Variants in CNTNAP2 observed in about 807,000 individuals in gnomAD.
CNTNAP2 encodes contactin-associated protein-like 2.
Under a neutral mutation model 155.2 loss-of-function variants are expected in CNTNAP2, and 98 were observed. The observed-to-expected ratio is 0.63, with a 90% CI of 0.54 to 0.75. The LOEUF (loss-of-function observed/expected upper bound fraction) is 0.75, where lower values mean the gene tolerates loss of function less well. Among genes scored for constraint, CNTNAP2 ranks in the 30% least tolerant of loss-of-function variants. The pLI is 0.00. For missense variants in CNTNAP2, 1,727 were observed against 1,688.1 expected, an observed-to-expected ratio of 1.02 and a Z score of -0.40; for synonymous variants, 651 against 631.2, an observed-to-expected ratio of 1.03 and a Z score of -0.47.
intron 21 of CNTNAP2, among the ~76,000 whole-genome samples, chr7:148,341,330 C>A (rs1798228022): frequency 1.3e-5 from 2 of 151,410 alleles, no homozygotes; most frequent in Non-Finnish European, 1.5e-5. Context: ...TAGTTCTAAT[C>A]CGTAATAGTG....
chr7:147,898,513 T>C (rs1344013266), intron 13 of CNTNAP2, among the ~76,000 whole-genome samples: 3 of 149,698 alleles, frequency 2.0e-5, no homozygotes, highest in South Asian at 2.1e-4. Context: ...TTTTAACCCA[T>C]ATACCCAGAT....
chr7:148,209,614 C>T (rs546521668), intron 18 of CNTNAP2, among the ~76,000 whole-genome samples: 1 of 152,334 alleles, frequency 6.6e-6, no homozygotes, highest in African/African-American at 2.4e-5. Context: ...CTACTCCAAA[C>T]CATCATTATA....
chr7:146,172,231 G>A (rs189708630), intron 1 of CNTNAP2, among the ~76,000 whole-genome samples: 133 of 152,026 alleles, frequency 8.7e-4, no homozygotes, highest in African/African-American at 3.1e-3. Flanking sequence ...GGGATAGGAT[G>A]CCTCCCAGGA....
chr7:147,679,808 G>A (rs938022570), intron 13 of CNTNAP2, among the ~76,000 whole-genome samples: 5 of 151,742 alleles, frequency 3.3e-5, no homozygotes, highest in South Asian at 2.1e-4. Context: ...CTAGTATCAC[G>A]TCAGGATCAT....
chr7:147,414,412 A>C (rs2116494283), intron 10 of CNTNAP2, among the ~76,000 whole-genome samples: 1 of 144,810 alleles, frequency 6.9e-6, no homozygotes, highest in African/African-American at 2.6e-5. Flanking sequence ...CAACAGAGCA[A>C]GAGTCTGTCT....
At chr7:146,898,580 T>C (rs935740631) in intron 3 of CNTNAP2, among the ~76,000 whole-genome samples, 1 of 152,062 alleles carries the variant, frequency 6.6e-6, no homozygotes, top group African/African-American at 2.4e-5. Flanking sequence ...AATAATCTAA[T>C]TGAGTGTATA....
At chr7:146,523,933 C>T (rs1025055225) in intron 1 of CNTNAP2, among the ~76,000 whole-genome samples, 1 of 151,992 alleles carries the variant, frequency 6.6e-6, no homozygotes, top group Non-Finnish European at 1.5e-5. Context: ...TTTCCTTGTT[C>T]CTGTGCCTTT....
intron 9 of CNTNAP2, among the ~76,000 whole-genome samples, chr7:147,341,886 A>G (rs550517055): frequency 6.6e-6 from 1 of 152,296 alleles, no homozygotes; most frequent in Admixed American, 6.5e-5. Context: ...TTAAGTATAT[A>G]CATTAAGAAC....
rs80092828 is a variant in CNTNAP2 at position 147,589,671 on chromosome 7, T to A, written c.1897+27414T>A. Among the ~76,000 whole-genome samples the A allele has an allele frequency of 2.0e-3, 299 of 152,320 alleles. 10 individuals carry two copies. In the East Asian group the frequency reaches 0.048, roughly 24 times the overall value. On this transcript the variant is annotated intron_variant, in intron 12 of 23. Transcript: ENST00000361727. ...ATTGTTGTATATGCCTGTATCATAG[T>A]GTATTTTTCACTCTCCCATTAATAA... is the stretch of plus-strand genomic sequence containing the variant.
At chr7:146,640,260 G>A (rs1244410176) in intron 1 of CNTNAP2, among the ~76,000 whole-genome samples, 1 of 152,078 alleles carries the variant, frequency 6.6e-6, no homozygotes, top group African/African-American at 2.4e-5. Flanking sequence ...GAATTATACT[G>A]AACGCTGATG....
Position 146,481,658 on chromosome 7 carries a change from C to T in CNTNAP2, c.98-292613C>T, listed in dbSNP as rs186398454. Among the ~76,000 whole-genome samples the T allele has an allele frequency of 1.0e-3, 155 of 152,278 alleles. 1 individual carries two copies. The Middle Eastern group carries it at 0.01, about 10-fold the overall frequency. On this transcript the variant is annotated intron_variant, in intron 1 of 23. Coordinates refer to ENST00000361727, the MANE Select transcript of CNTNAP2 (RefSeq NM_014141.6). ...GTAGAAATATATACGGAATGATTTT[C>T]ACTGTCGCTCGGAGTAGCAGATTTA...
At chr7:146,234,298 C>G (rs887373770) in intron 1 of CNTNAP2, among the ~76,000 whole-genome samples, 10 of 152,160 alleles carry the variant, frequency 6.6e-5, no homozygotes, top group African/African-American at 1.9e-4. Context: ...CCTTCGCCCA[C>G]TTTTTGATGG....
chr7:147,930,040 A>G (rs774805423), intron 14 of CNTNAP2, among the ~76,000 whole-genome samples: 2 of 152,110 alleles, frequency 1.3e-5, no homozygotes, highest in African/African-American at 2.4e-5. Context: ...CTCCTGCTGC[A>G]TGGCCTGGTT....
Position 148,271,149 on chromosome 7 carries a change from A to G in CNTNAP2, c.3475+4023A>G, listed in dbSNP as rs148905964. Among the ~76,000 whole-genome samples, 553 of 152,370 alleles carry G rather than the reference A, an allele frequency of 3.6e-3. 1 individual carries two copies. The highest frequency in any genetic ancestry group is 6.1e-3 in the Non-Finnish European group (412 of 68,026). On this transcript the variant is annotated intron_variant, in intron 21 of 23. Transcript: ENST00000361727. Reference sequence around the variant, plus strand: ...CTAGCTACATGCCGGTTATTATGCTATATGCTGTAAGTACAATACTGTCTG... The same window carrying G: ...CTAGCTACATGCCGGTTATTATGCTGTATGCTGTAAGTACAATACTGTCTG...
intron 8 of CNTNAP2, among the ~76,000 whole-genome samples, chr7:147,209,602 C>G (rs913209894): frequency 6.6e-6 from 1 of 151,934 alleles, no homozygotes; most frequent in Non-Finnish European, 1.5e-5. Flanking sequence ...ATTGCTCTGG[C>G]TAGTACTTCC....
chr7:146,555,496 G>GTCTATCTATCTA (rs200118562), intron 1 of CNTNAP2, among the ~76,000 whole-genome samples: 7 of 52,400 alleles, frequency 1.3e-4, no homozygotes, highest in South Asian at 1.8e-3. Context: ...TCATCTGTCT[G>GTCTATCTATCTA]TCTATCTATC....
intron 21 of CNTNAP2, among the ~76,000 whole-genome samples, chr7:148,289,575 TCACACTCACA>T (rs1797153874): frequency 1.5e-5 from 1 of 68,418 alleles, no homozygotes; most frequent in Non-Finnish European, 2.7e-5. Context: ...ACACACACAC[TCACACTCACA>T]CACACACACA....
At chr7:147,839,937 T>TACACACAC (rs1283249034) in intron 13 of CNTNAP2, among the ~76,000 whole-genome samples, 1 of 94,674 alleles carries the variant, frequency 1.1e-5, no homozygotes, top group African/African-American at 3.7e-5. Flanking sequence ...TATATATATG[T>TACACACAC]ATACACACAC....
At chr7:146,372,025 A>C (rs1795244610) in intron 1 of CNTNAP2, among the ~76,000 whole-genome samples, 1 of 152,084 alleles carries the variant, frequency 6.6e-6, no homozygotes, top group South Asian at 2.1e-4. Flanking sequence ...TAATTAGAGG[A>C]GTCAGAGAGA....
Sources: gnomAD v4.1 joint callset for allele counts (sites outside exome capture counted in the v4.1 genomes callset) on GRCh38, gnomAD v4.1.1 for gene constraint, MANE v1.5 for transcripts, NCBI Gene and HGNC (gene_info 2026-07-23, HGNC 2026-07-21) for gene names.